Variants in PHF21B observed in about 807,000 individuals in gnomAD.
PHF21B encodes the protein PHD finger protein 21B.
A neutral mutation model predicts 62.2 loss-of-function variants in PHF21B; 22 were observed. That is an observed-to-expected ratio of 0.35 (90% CI 0.25 to 0.51). The LOEUF is 0.51. PHF21B is among the 20% of genes least tolerant of loss of function. The pLI is 0.97. For synonymous variants in PHF21B, 341 were observed against 314.7 expected (o/e 1.08, Z -0.88); for missense variants, 701 against 707.9 (o/e 0.99, Z 0.11).
chr22:44,883,129 G>A lies in PHF21B; in HGVS notation c.1553C>T (p.Ala518Val), dbSNP rs1034170412. ...GTGCTGGACGGTGGGGTGTGTGGCTGCCACTGAGGGCTTGGTCCAGGGCCC... is the reference window on the plus strand; with the variant it reads ...GTGCTGGACGGTGGGGTGTGTGGCTACCACTGAGGGCTTGGTCCAGGGCCC... Reference protein sequence around the residue: ...LAGPWTKPSVAATHPTVQHPQ... With the variant: ...LAGPWTKPSVVATHPTVQHPQ... Residue 518 changes from alanine (A) to valine (V), a missense_variant, in exon 13 of 13, where the codon GCA (alanine) becomes GTA (valine). Physicochemically the swap from Ala to Val is moderately conservative, Grantham distance 64. Transcript: ENST00000313237. The A allele has an allele frequency of 4.3e-6, 7 of 1,612,480 alleles. No individual in the cohort carries two copies. The highest frequency in any genetic ancestry group is 5.9e-6 in the Non-Finnish European group (7 of 1,179,924).
At chr22:44,941,662 C>T (rs1000100677) in intron 2 of PHF21B, among the ~76,000 whole-genome samples, 3 of 152,146 alleles carry the variant, frequency 2.0e-5, no homozygotes, top group Admixed American at 6.5e-5. Flanking sequence ...CGGAGTCCAC[C>T]GTCACTTTAA....
chr22:44,933,115 CTTT>C (rs35793325), intron 2 of PHF21B, among the ~76,000 whole-genome samples: 2 of 140,994 alleles, frequency 1.4e-5, no homozygotes, highest in Admixed American at 7.1e-5. Context: ...TCTTCTATTT[CTTT>C]TTTTTTTTTT....
chr22:44,943,346 G>A (rs995246592), intron 2 of PHF21B, among the ~76,000 whole-genome samples: 4 of 152,190 alleles, frequency 2.6e-5, no homozygotes, highest in Admixed American at 6.5e-5. Context: ...CTAGGACAGA[G>A]CTGGCCCGGG....
At chr22:44,912,789 G>A (rs893596535) in intron 5 of PHF21B, among the ~76,000 whole-genome samples, 10 of 143,936 alleles carry the variant, frequency 6.9e-5, no homozygotes, top group African/African-American at 2.5e-4. Flanking sequence ...TGAGGTGGGA[G>A]GATCACTTGA....
chr22:44,926,839 G>C (rs1165675757), intron 2 of PHF21B, among the ~76,000 whole-genome samples: 1 of 152,176 alleles, frequency 6.6e-6, no homozygotes, highest in African/African-American at 2.4e-5. Flanking sequence ...GTGTTGCCAT[G>C]TGGGCCGGGA....
chr22:44,991,648 G>A (rs1421595271), intron 2 of PHF21B, among the ~76,000 whole-genome samples: 1 of 152,194 alleles, frequency 6.6e-6, no homozygotes, highest in Non-Finnish European at 1.5e-5. Flanking sequence ...GGGGACCCTG[G>A]GGTGGTCACC....
chr22:44,897,621 C>T (rs548154059), intron 5 of PHF21B, among the ~76,000 whole-genome samples: 42 of 152,206 alleles, frequency 2.8e-4, no homozygotes, highest in Non-Finnish European at 2.9e-4. Context: ...ATATGACTTG[C>T]AATATATTTT....
rs144737837 is a variant in PHF21B at position 44,916,540 on chromosome 22, T to C, written c.304A>G (p.Thr102Ala). The change falls in exon 4 of 13, where the codon ACC becomes GCC. Residue 102 changes from threonine (T) to alanine (A), a missense_variant. Thr to Ala is a moderately conservative substitution (Grantham distance 58). Transcript: ENST00000313237. ...PKQPPTFQKA[T>A]VVSVKNPSPA... is the part of the protein sequence containing the mutation. ...CTGGGGTTCTTGACGCTGACCACGG[T>C]GGCCTTCTGGAATGTTGGGGGCTGC... 2.2e-4 allele frequency: 356 copies of C among 1,609,446 alleles called. 1 individual carries two copies. The African/African-American group carries it at 3.0e-3, about 14-fold the overall frequency.
Position 44,885,540 on chromosome 22 carries a change from G to C in PHF21B, c.1274-11C>G. The C allele has an allele frequency of 1.3e-6, 2 of 1,579,286 alleles. No homozygotes were observed. The highest frequency in any genetic ancestry group is 8.6e-7 in the Non-Finnish European group (1 of 1,162,316). ...TCTCCTCTTCTTTGACTAGAAAAGAGAAGGCCAGGTCCCTGGAGAGGGGCA... is the reference window on the plus strand; with the variant it reads ...TCTCCTCTTCTTTGACTAGAAAAGACAAGGCCAGGTCCCTGGAGAGGGGCA... On this transcript the variant is annotated splice_polypyrimidine_tract_variant and intron_variant, in intron 11 of 12. Coordinates refer to ENST00000313237, the MANE Select transcript of PHF21B (RefSeq NM_138415.5).
At chr22:44,891,481 GC>G in intron 7 of PHF21B, 121 bp from the exon 8 acceptor site, 11 of 1,173,998 alleles carry the variant, frequency 9.4e-6, no homozygotes, top group Non-Finnish European at 1.4e-5. Flanking sequence ...CCAGGCTCTG[GC>G]TGGACACCCC....
chr22:44,903,653 T>C (rs991015695), intron 5 of PHF21B, among the ~76,000 whole-genome samples: 2 of 152,224 alleles, frequency 1.3e-5, no homozygotes, highest in Non-Finnish European at 2.9e-5. Flanking sequence ...AATTTGCCTT[T>C]TACAATTCTG....
At chr22:44,957,427 T>C (rs1450042831) in intron 2 of PHF21B, among the ~76,000 whole-genome samples, 3 of 152,222 alleles carry the variant, frequency 2.0e-5, no homozygotes. Flanking sequence ...TGCGGGCCCC[T>C]CACAGCCTTC....
chr22:44,992,670 A>T (rs1006888070), intron 2 of PHF21B, among the ~76,000 whole-genome samples: 2 of 152,222 alleles, frequency 1.3e-5, no homozygotes, highest in Admixed American at 1.3e-4. Context: ...TCCTCCAAGG[A>T]AGAGCTCCAG....
chr22:44,954,547 G>A (rs770822280), intron 2 of PHF21B, among the ~76,000 whole-genome samples: 16 of 152,374 alleles, frequency 1.1e-4, no homozygotes, highest in South Asian at 2.1e-4. Context: ...CACACAAAGC[G>A]TTTCTGCATG....
At chr22:44,913,663 T>G (rs2071382992) in intron 5 of PHF21B, among the ~76,000 whole-genome samples, 159 bp downstream of exon 5, 1 of 152,210 alleles carries the variant, frequency 6.6e-6, no homozygotes, top group Non-Finnish European at 1.5e-5. Context: ...CTGGGCTTGC[T>G]TGGCGAGGCC....
At chr22:44,890,542 A>ATTT (rs2070944829) in intron 8 of PHF21B, among the ~76,000 whole-genome samples, 1 of 152,222 alleles carries the variant, frequency 6.6e-6, no homozygotes, top group Non-Finnish European at 1.5e-5. Context: ...TTTCCAGATC[A>ATTT]GTAAACCAAG....
chr22:44,894,580 C>T (rs536749992), intron 6 of PHF21B, among the ~76,000 whole-genome samples: 1 of 152,310 alleles, frequency 6.6e-6, no homozygotes, highest in African/African-American at 2.4e-5. Context: ...CAAGCTCACA[C>T]CATCAGGCGG....
intron 2 of PHF21B, chr22:45,003,023 C>T (rs971988996): frequency 1.3e-5 from 2 of 152,258 alleles, no homozygotes. Flanking sequence ...CAGGTGTTCC[C>T]GCAGCATGAT....
intron 2 of PHF21B, among the ~76,000 whole-genome samples, chr22:44,926,180 G>A (rs1417530681): frequency 6.6e-6 from 1 of 151,710 alleles, no homozygotes; most frequent in Non-Finnish European, 1.5e-5. Flanking sequence ...CCCTGCAATG[G>A]ATTCCCAGGG....
Sources: gnomAD v4.1 joint callset for allele counts (sites outside exome capture counted in the v4.1 genomes callset) on GRCh38, gnomAD v4.1.1 for gene constraint, MANE v1.5 for transcripts, NCBI Gene and HGNC (gene_info 2026-07-23, HGNC 2026-07-21) for gene names.